Variants in ITGA1 observed in about 807,000 individuals in gnomAD.
ITGA1 encodes integrin alpha-1.
In ITGA1, 85 loss-of-function variants were observed where a neutral mutation model predicts 145.9. The observed-to-expected ratio is 0.58, with a 90% CI of 0.49 to 0.70. The LOEUF is 0.70. Ranked by LOEUF, ITGA1 falls within the 30% of genes least tolerant of loss-of-function variation. ITGA1 has a pLI of 0.00. For missense variants in ITGA1, 1,351 were observed against 1,418.7 expected (o/e 0.95, Z 0.77); for synonymous variants, 520 against 495.3 (o/e 1.05, Z -0.66).
chr5:52,886,066 A>G (rs1465236980), intron 7 of ITGA1, among the ~76,000 whole-genome samples: 1 of 152,170 alleles, frequency 6.6e-6, no homozygotes, highest in East Asian at 1.9e-4. Context: ...TTTCCACTAA[A>G]TTGATTAAGC....
Position 52,954,444 on chromosome 5 carries a change from A to T in ITGA1, c.*1993A>T, listed in dbSNP as rs1751273884. On this transcript the variant is annotated 3_prime_UTR_variant, in exon 29 of 29. Transcript: ENST00000282588. ...ACTAAATTGTTAACTGAAAGGGAAA[A>T]AATAGAAATGAGGGCATTTTGAAGT... 1 of 152,236 alleles carries T rather than the reference A, an allele frequency of 6.6e-6. No homozygotes were observed. The highest frequency in any genetic ancestry group is 2.4e-5 in the African/African-American group (1 of 41,460). 9.4% of individuals were successfully genotyped at this position (152,236 alleles called of 1,614,324 possible). A position where few individuals can be genotyped will look rare whatever the true frequency, so the allele number is the denominator to read the frequency against.
chr5:52,803,704 G>C (rs1748533482), intron 1 of ITGA1: 1 of 152,128 alleles, frequency 6.6e-6, no homozygotes, highest in Non-Finnish European at 1.5e-5. Flanking sequence ...TTCAGGCCTT[G>C]CTATTCAAAA....
rs1561246745 is a variant in ITGA1, at chr5:52,911,986, T to TATA, written c.1857+1567_1857+1568insATA. Among the ~76,000 whole-genome samples, 499 of 53,734 alleles carry TATA rather than the reference T, an allele frequency of 9.3e-3. 21 individuals carry two copies. Among genetic ancestry groups the TATA allele is most frequent in the African/African-American group, 0.019 (414 of 21,882 alleles). The allele number at this position is 53,734 out of a possible 152,430, so 35.3% of individuals were successfully genotyped here. ...TAGTGTATCTACTATATATACTATA[T>TATA]GTATAGTGTGTATCTACTATATATA... On this transcript the variant is annotated intron_variant, in intron 14 of 28. Coordinates refer to ENST00000282588, the MANE Select transcript of ITGA1 (RefSeq NM_181501.2).
At chr5:52,900,141 A>G (rs922620327) in intron 11 of ITGA1, among the ~76,000 whole-genome samples, 2 of 152,198 alleles carry the variant, frequency 1.3e-5, no homozygotes, top group Non-Finnish European at 2.9e-5. Flanking sequence ...TATGACACAG[A>G]ATACCTAAAA....
At chr5:52,840,809 T>C (rs1326681235) in intron 1 of ITGA1, among the ~76,000 whole-genome samples, 3 of 152,200 alleles carry the variant, frequency 2.0e-5, no homozygotes, top group Non-Finnish European at 4.4e-5. Context: ...GAATGACCTT[T>C]ATACTGAAAG....
intron 1 of ITGA1, among the ~76,000 whole-genome samples, chr5:52,789,763 G>T (rs1748203486): frequency 1.3e-5 from 2 of 152,116 alleles, no homozygotes; most frequent in African/African-American, 4.8e-5. Context: ...TGCAAAATCT[G>T]AATACAGTAG....
intron 6 of ITGA1, among the ~76,000 whole-genome samples, chr5:52,879,341 C>T (rs1749917853): frequency 6.6e-6 from 1 of 152,116 alleles, no homozygotes; most frequent in Non-Finnish European, 1.5e-5. Flanking sequence ...AAAAACAAAG[C>T]AAACTGTAAG....
intron 2 of ITGA1, among the ~76,000 whole-genome samples, chr5:52,857,198 T>C (rs1451288570): frequency 2.0e-5 from 3 of 152,272 alleles, no homozygotes; most frequent in South Asian, 4.1e-4. Flanking sequence ...TGCAAAAGTG[T>C]ACACAATTCC....
At chr5:52,886,968 G>A (rs1233773293) in intron 7 of ITGA1, among the ~76,000 whole-genome samples, 1 of 152,052 alleles carries the variant, frequency 6.6e-6, no homozygotes, top group Non-Finnish European at 1.5e-5. Context: ...TAGTAGAGAC[G>A]GGGTTTCACC....
At chr5:52,948,149 T>A in intron 28 of ITGA1, among the ~76,000 whole-genome samples, 1 of 152,310 alleles carries the variant, frequency 6.6e-6, no homozygotes, top group Middle Eastern at 3.4e-3. Context: ...TTTTTAAAAC[T>A]CTTAGCAGCT....
At chr5:52,927,954 G>T (rs977743260) in intron 20 of ITGA1, among the ~76,000 whole-genome samples, 23 of 152,116 alleles carry the variant, frequency 1.5e-4, no homozygotes, top group Non-Finnish European at 2.9e-5. Context: ...TCATACGAGA[G>T]GCTTGAGGGA....
chr5:52,873,458 T>C (rs1749816422), intron 6 of ITGA1, among the ~76,000 whole-genome samples: 1 of 152,208 alleles, frequency 6.6e-6, no homozygotes, highest in South Asian at 2.1e-4. Flanking sequence ...CCTGTATCTA[T>C]TATGTATCAA....
chr5:52,919,615 T>C (rs1044916179), intron 16 of ITGA1, among the ~76,000 whole-genome samples: 1 of 152,200 alleles, frequency 6.6e-6, no homozygotes, highest in Non-Finnish European at 1.5e-5. Context: ...CTTGATTTGT[T>C]CCATATGTGC....
chr5:52,830,364 T>G (rs1445927519), intron 1 of ITGA1, among the ~76,000 whole-genome samples: 3 of 152,198 alleles, frequency 2.0e-5, no homozygotes, highest in Non-Finnish European at 2.9e-5. Flanking sequence ...CTACAAAACT[T>G]ATTTCAAAGA....
intron 19 of ITGA1, among the ~76,000 whole-genome samples, chr5:52,925,925 T>G (rs1256772953): frequency 6.6e-6 from 1 of 152,170 alleles, no homozygotes; most frequent in Admixed American, 6.5e-5. Flanking sequence ...ATATTTGTAT[T>G]AAATAACTGT....
chr5:52,835,354 A>C (rs1486993920), intron 1 of ITGA1, among the ~76,000 whole-genome samples: 4 of 152,170 alleles, frequency 2.6e-5, no homozygotes, highest in Non-Finnish European at 5.9e-5. Flanking sequence ...CTATGGGATA[A>C]ATGTGTACAA....
chr5:52,799,523 CAT>C (rs905126847), intron 1 of ITGA1, among the ~76,000 whole-genome samples: 4 of 152,230 alleles, frequency 2.6e-5, no homozygotes, highest in African/African-American at 7.2e-5. Context: ...AAATTCCACA[CAT>C]AGTTTCTTCT....
At chr5:52,912,012 C>CTATATATACTATATATAG (rs1750557433) in intron 14 of ITGA1, among the ~76,000 whole-genome samples, 3 of 123,166 alleles carry the variant, frequency 2.4e-5, no homozygotes, top group East Asian at 2.4e-4. Context: ...ACTATATATA[C>CTATATATACTATATATAG]TATATGTATA....
intron 14 of ITGA1, among the ~76,000 whole-genome samples, chr5:52,912,616 T>G (rs1374281705): frequency 6.9e-6 from 1 of 145,808 alleles, no homozygotes; most frequent in Non-Finnish European, 1.5e-5. Context: ...GTATCCACTA[T>G]ATATTATATA....
Sources: allele counts gnomAD v4.1 joint callset (sites outside exome capture counted in the v4.1 genomes callset), GRCh38; gene constraint gnomAD v4.1.1; transcripts MANE v1.5; gene names NCBI Gene and HGNC (gene_info 2026-07-23, HGNC 2026-07-21).